Variants in GRIA1 observed in about 807,000 individuals in gnomAD.
GRIA1 encodes glutamate ionotropic receptor AMPA type subunit 1.
A neutral mutation model predicts 99.2 loss-of-function variants in GRIA1; 31 were observed. The observed-to-expected ratio is 0.31, with a 90% confidence interval of 0.23 to 0.42. The LOEUF is 0.42. Ranked by LOEUF, GRIA1 falls within the 10% of genes least tolerant of loss-of-function variation. The pLI is 1.00. For missense variants in GRIA1, 782 were observed against 1,157.5 expected, an observed-to-expected ratio of 0.68 and a Z score of 4.71; for synonymous variants, 438 against 432.4, an observed-to-expected ratio of 1.01 and a Z score of -0.16.
chr5:153,799,887 C>T (rs565359846), intron 14 of GRIA1, among the ~76,000 whole-genome samples: 6 of 152,218 alleles, frequency 3.9e-5, no homozygotes, highest in Admixed American at 1.3e-4. Context: ...TTCCACCCCC[C>T]GTCCATATGA....
chr5:153,637,353 C>T (rs1351520787), intron 2 of GRIA1, among the ~76,000 whole-genome samples: 1 of 152,148 alleles, frequency 6.6e-6, no homozygotes, highest in African/African-American at 2.4e-5. Context: ...GCTGTCTAGG[C>T]TTTTATCTAG....
At chr5:153,630,528 C>T (rs747346766) in intron 2 of GRIA1, among the ~76,000 whole-genome samples, 9 of 152,092 alleles carry the variant, frequency 5.9e-5, no homozygotes, top group Non-Finnish European at 8.8e-5. Flanking sequence ...GAAGAGGCCA[C>T]CCCAAAACAA....
At chr5:153,694,990 A>G (rs372916729) in intron 8 of GRIA1, among the ~76,000 whole-genome samples, 6 of 122,628 alleles carry the variant, frequency 4.9e-5, no homozygotes, top group Non-Finnish European at 1.2e-4. Flanking sequence ...AAGGGAAAAG[A>G]AAAAAAAAAC....
At chr5:153,497,409 T>C (rs1034787589) in intron 2 of GRIA1, among the ~76,000 whole-genome samples, 1 of 152,210 alleles carries the variant, frequency 6.6e-6, no homozygotes, top group Non-Finnish European at 1.5e-5. Context: ...TACCTTTTAA[T>C]TTATTCACCT....
In GRIA1 at chr5:153,675,740, C is replaced by T. The variant is rs1471774959; in HGVS notation, c.861+1079C>T. Among the ~76,000 whole-genome samples the T allele has an allele frequency of 3.9e-5, 6 of 152,260 alleles. No homozygotes were observed. In the South Asian group the frequency reaches 8.3e-4, roughly 21 times the overall value. On this transcript the variant is annotated intron_variant, in intron 6 of 15. Transcript: ENST00000285900. ...CAATATGATCTTAAGCAAACAAAATCGCAAATATGCTTTCAAGCAATGAGA... is the reference window on the plus strand; with the variant it reads ...CAATATGATCTTAAGCAAACAAAATTGCAAATATGCTTTCAAGCAATGAGA...
At chr5:153,609,568 T>C (rs1231677998) in intron 2 of GRIA1, among the ~76,000 whole-genome samples, 3 of 139,680 alleles carry the variant, frequency 2.1e-5, no homozygotes, top group Non-Finnish European at 4.6e-5. Flanking sequence ...TTTTTTTTTT[T>C]TTTTTTTTTT....
chr5:153,585,041 C>T (rs541510613), intron 2 of GRIA1, among the ~76,000 whole-genome samples: 166 of 152,282 alleles, frequency 1.1e-3, no homozygotes, highest in African/African-American at 2.0e-3. Context: ...CAACAGTGCA[C>T]GAGCTGCCAG....
At chr5:153,689,258 C>G (rs754657173) in intron 8 of GRIA1, among the ~76,000 whole-genome samples, 1 of 152,152 alleles carries the variant, frequency 6.6e-6, no homozygotes, top group African/African-American at 2.4e-5. Context: ...AACATAGATG[C>G]AGCATTTTTG....
chr5:153,544,011 G>A (rs187161861), intron 2 of GRIA1, among the ~76,000 whole-genome samples: 1 of 152,222 alleles, frequency 6.6e-6, no homozygotes, highest in African/African-American at 2.4e-5. Context: ...GGGTGGTGAG[G>A]GAAGGCCTCT....
chr5:153,740,856 G>A lies in GRIA1; in HGVS notation c.1824-23578G>A, dbSNP rs72802702. ...GTTTCTCTGTCATTCTTAGCCCCAGGAAAGTGTGGTAGGACAAGAACCTCC... is the reference window on the plus strand; with the variant it reads ...GTTTCTCTGTCATTCTTAGCCCCAGAAAAGTGTGGTAGGACAAGAACCTCC... On this transcript the variant is annotated intron_variant, in intron 11 of 15. Coordinates refer to ENST00000285900, the MANE Select transcript of GRIA1 (RefSeq NM_000827.4). Among the ~76,000 whole-genome samples the A allele has an allele frequency of 9.6e-3, 1,457 of 151,934 alleles. 5 individuals are homozygous for A. The highest frequency in any genetic ancestry group is 0.015 in the Non-Finnish European group (1,016 of 67,982).
intron 5 of GRIA1, among the ~76,000 whole-genome samples, chr5:153,663,525 T>C (rs1362093233): frequency 6.6e-6 from 1 of 152,198 alleles, no homozygotes; most frequent in Non-Finnish European, 1.5e-5. Context: ...GTCTCACCTA[T>C]GAGTGGGAAT....
chr5:153,705,516 C>G (rs1000013448), intron 10 of GRIA1, among the ~76,000 whole-genome samples, 181 bp from the exon 11 acceptor site: 1 of 152,058 alleles, frequency 6.6e-6, no homozygotes, highest in South Asian at 2.1e-4. Context: ...ATTGAGCTGA[C>G]CATCCATTCA....
chr5:153,617,745 A>T (rs1766645682), intron 2 of GRIA1, among the ~76,000 whole-genome samples: 1 of 151,996 alleles, frequency 6.6e-6, no homozygotes, highest in South Asian at 2.1e-4. Context: ...CCAACTAAAA[A>T]CTGCTTATCC....
intron 2 of GRIA1, among the ~76,000 whole-genome samples, chr5:153,534,933 G>A (rs62382827): frequency 9.0e-6 from 1 of 111,338 alleles, no homozygotes; most frequent in South Asian, 2.8e-4. Context: ...GTTTTGTTTT[G>A]TTTTATTTTT....
At chr5:153,585,641 G>A (rs538397785) in intron 2 of GRIA1, among the ~76,000 whole-genome samples, 103 of 152,062 alleles carry the variant, frequency 6.8e-4, no homozygotes, top group African/African-American at 2.4e-3. Context: ...CAGCCTCAGT[G>A]GCTTTCATTG....
chr5:153,745,707 G>A (rs975141607), intron 11 of GRIA1, among the ~76,000 whole-genome samples: 3 of 151,834 alleles, frequency 2.0e-5, no homozygotes, highest in East Asian at 3.9e-4. Flanking sequence ...CATAATGCAG[G>A]CATCTTACAT....
chr5:153,596,225 A>G (rs990919000), intron 2 of GRIA1, among the ~76,000 whole-genome samples: 2 of 152,236 alleles, frequency 1.3e-5, no homozygotes, highest in Non-Finnish European at 2.9e-5. Flanking sequence ...ACAAGTATGC[A>G]TCTATTCTTT....
intron 5 of GRIA1, among the ~76,000 whole-genome samples, chr5:153,670,691 G>A (rs573877033): frequency 6.6e-6 from 1 of 151,956 alleles, no homozygotes; most frequent in Admixed American, 6.6e-5. Flanking sequence ...TAATAAAATG[G>A]CAAAGAAAAT....
chr5:153,612,191 C>A (rs1224179472), intron 2 of GRIA1, among the ~76,000 whole-genome samples: 1 of 152,124 alleles, frequency 6.6e-6, no homozygotes, highest in Non-Finnish European at 1.5e-5. Context: ...AGAACAGGTT[C>A]TGATAGGAGA....
Sources: gnomAD v4.1 joint callset for allele counts (sites outside exome capture counted in the v4.1 genomes callset) on GRCh38, gnomAD v4.1.1 for gene constraint, MANE v1.5 for transcripts, NCBI Gene and HGNC (gene_info 2026-07-23, HGNC 2026-07-21) for gene names.